The following NCR2 variants were observed in gnomAD, a reference collection of about 807,000 sequenced individuals.
NCR2 encodes natural cytotoxicity triggering receptor 2, also known as NK cell activating receptor (NKp44).
NCR2 carries 35 observed loss-of-function variants against 30.7 expected under a neutral mutation model. The observed-to-expected ratio is 1.14, with a 90% CI of 0.87 to 1.51. NCR2 has a LOEUF of 1.51. Among genes scored for constraint, NCR2 ranks in the 40% most tolerant of loss-of-function variants. NCR2 has a pLI of 0.00. For missense variants in NCR2, 316 were observed against 328.9 expected (o/e 0.96, Z 0.30); for synonymous variants, 146 against 134.8 (o/e 1.08, Z -0.58).
Position 41,336,390 on chromosome 6 carries a change from T to C in NCR2, c.356T>C (p.Val119Ala), listed in dbSNP as rs1403814419. ...CRIYRPSDNS[V>A]SKSVRFYLVV... ...ATCTACCGCCCTTCTGACAACTCTG[T>C]CTCTAAGTCCGTCAGATTCTATCTG... The change falls in exon 2 of 5, where the codon GTC becomes GCC. Residue 119 changes from valine to alanine, a missense_variant. Physicochemically the swap from Val to Ala is moderately conservative, Grantham distance 64. Transcript: ENST00000373089. The C allele has an allele frequency of 6.2e-7, 1 of 1,613,842 alleles. No individual in the cohort carries two copies.
Position 41,342,087 on chromosome 6 carries a change from G to C in NCR2, c.582G>C (p.Val194=). ...RPGPAAPIAL[V]PVFCGLLVAK... Reference sequence around the variant, plus strand: ...GCCCTGCAGCCCCCATTGCCCTGGTGCCTGTGTTCTGTGGACTCCTCGTAG... The same window carrying C: ...GCCCTGCAGCCCCCATTGCCCTGGTCCCTGTGTTCTGTGGACTCCTCGTAG... The change falls in exon 4 of 5, where the codon GTG becomes GTC. Residue 194 remains valine, a synonymous_variant. Coordinates refer to ENST00000373089, the MANE Select transcript of NCR2 (RefSeq NM_004828.4). The C allele has an allele frequency of 1.2e-6, 2 of 1,613,836 alleles. No homozygotes were observed. Among genetic ancestry groups the C allele is most frequent in the Non-Finnish European group, 1.7e-6 (2 of 1,180,022 alleles).
Position 41,336,328 on chromosome 6 carries a change from T to A in NCR2, c.294T>A (p.Asp98Glu). 6.2e-7 allele frequency: 1 copy of A among 1,614,122 alleles called. No individual in the cohort carries two copies. Among genetic ancestry groups the A allele is most frequent in the Non-Finnish European group, 8.5e-7 (1 of 1,180,026 alleles). The change falls in exon 2 of 5, where the codon GAT (aspartate) becomes GAA (glutamate). Residue 98 changes from aspartate (D) to glutamate (E), a missense_variant. Transcript: ENST00000373089. ...GCTTCTTCACTGTCACCATGACTGA[T>A]CTGAGAGAGGAAGACTCAGGACATT... is the stretch of plus-strand genomic sequence containing the variant. ...DAGFFTVTMT[D>E]LREEDSGHYW...
chr6:41,349,026 C>T (rs6909354), intron 4 of NCR2, among the ~76,000 whole-genome samples: 105,417 of 148,114 alleles, frequency 0.71, 38,378 homozygotes, highest in East Asian at 0.86. Context: ...AATTATTATA[C>T]ATTATTGAAA....
At chr6:41,335,961 A>C in intron 1 of NCR2, 33 bp downstream of exon 1, 1 of 1,576,482 alleles carries the variant, frequency 6.3e-7, no homozygotes. Flanking sequence ...GGAGCAGAGG[A>C]GATGGGTGTG....
In NCR2 at chr6:41,350,753, G is replaced by T. The variant is rs776619895; in HGVS notation, c.720G>T (p.Gln240His). The T allele has an allele frequency of 6.2e-7, 1 of 1,611,816 alleles. No homozygotes were observed. The highest frequency in any genetic ancestry group is 8.5e-7 in the Non-Finnish European group (1 of 1,177,918). The part of the protein sequence containing the change: ...DTQKATCHLQ[Q>H]VTDLPWTSVS... ...AAAAAGCCACCTGCCACCTTCAACAGGTCACGGACCTTCCCTGGACCTCAG... is the reference window on the plus strand; with the variant it reads ...AAAAAGCCACCTGCCACCTTCAACATGTCACGGACCTTCCCTGGACCTCAG... Residue 240 changes from glutamine (Q) to histidine (H), a missense_variant, in exon 5 of 5, where the codon CAG becomes CAT. By Grantham distance (24) the Gln-to-His change is conservative. Coordinates refer to ENST00000373089, the MANE Select transcript of NCR2 (RefSeq NM_004828.4).
chr6:41,336,995 A>T (rs961148221), intron 2 of NCR2, among the ~76,000 whole-genome samples: 2 of 152,156 alleles, frequency 1.3e-5, no homozygotes, highest in Admixed American at 1.3e-4. Context: ...TCAATTACCT[A>T]TTGTCTGTGG....
chr6:41,348,196 A>C (rs1459957742), intron 4 of NCR2, among the ~76,000 whole-genome samples: 1 of 152,192 alleles, frequency 6.6e-6, no homozygotes, highest in East Asian at 1.9e-4. Flanking sequence ...TTCCTCCCAC[A>C]TGCAAAAATA....
rs895924691 is a variant in NCR2, at chr6:41,346,827, G to A, written c.645-3851G>A. Among the ~76,000 whole-genome samples the A allele has an allele frequency of 1.4e-4, 20 of 139,376 alleles. No homozygotes were observed. The South Asian group carries it at 5.1e-3, about 36-fold the overall frequency. 91.4% of individuals were successfully genotyped at this position (139,376 alleles called of 152,430 possible). On this transcript the variant is annotated intron_variant, in intron 4 of 4. Coordinates refer to ENST00000373089, the MANE Select transcript of NCR2 (RefSeq NM_004828.4). ...AGAGAAAGAGGGGGAAAGAGAGAAA[G>A]AGAGGGAGGGAGGGAGGGAGGGAGG...
intron 2 of NCR2, 39 bp downstream of exon 2, chr6:41,336,467 C>A: frequency 6.4e-7 from 1 of 1,554,196 alleles, no homozygotes; most frequent in Non-Finnish European, 8.8e-7. Flanking sequence ...GGGTGCCCCT[C>A]ACCCCCTTTT....
Position 41,335,686 on chromosome 6 carries a change from G to T in NCR2, c.-191G>T. ...CCAGACCCAGACTCACCTACAGCTG[G>T]AGATCCCCACTTCCCTGTGCCCACA... On this transcript the variant is annotated 5_prime_UTR_variant, in exon 1 of 5. Transcript: ENST00000373089. The T allele has an allele frequency of 1.5e-6, 1 of 657,454 alleles. No individual in the cohort carries two copies. The highest frequency in any genetic ancestry group is 1.7e-5 in the South Asian group (1 of 57,164). The allele number at this position is 657,454 out of a possible 1,614,324, so 40.7% of individuals were successfully genotyped here.
chr6:41,343,335 G>A (rs755606701), intron 4 of NCR2, among the ~76,000 whole-genome samples: 9 of 152,300 alleles, frequency 5.9e-5, no homozygotes, highest in South Asian at 2.1e-4. Flanking sequence ...CGTGAGGCCT[G>A]GAACGCTGGT....
intron 4 of NCR2, 42 bp downstream of exon 4, chr6:41,342,191 G>A: frequency 1.2e-6 from 2 of 1,605,946 alleles, no homozygotes; most frequent in Non-Finnish European, 1.7e-6. Context: ...ATGGAACAGG[G>A]AACAGCTTCT....
At position 41,337,476 on chromosome 6, in the gene NCR2, C is replaced by T. The variant is rs554819818; in HGVS notation, c.394+1048C>T. On this transcript the variant is annotated intron_variant, in intron 2 of 4. Coordinates refer to ENST00000373089, the MANE Select transcript of NCR2 (RefSeq NM_004828.4). ...GTTCTCCATATTAAATGCCAATATGCACCCTTCAAACAAACACCCTGTCTT... is the reference window on the plus strand; with the variant it reads ...GTTCTCCATATTAAATGCCAATATGTACCCTTCAAACAAACACCCTGTCTT... 1.2e-4 allele frequency among the ~76,000 whole-genome samples: 19 copies of T among 152,320 alleles called. No homozygotes were observed. The South Asian group carries it at 3.5e-3, about 28-fold the overall frequency.
intron 2 of NCR2, among the ~76,000 whole-genome samples, chr6:41,341,167 C>T (rs1240100388): frequency 6.6e-6 from 1 of 152,140 alleles, no homozygotes; most frequent in Non-Finnish European, 1.5e-5. Context: ...CTCAACAGTC[C>T]CCATCACTTT....
At chr6:41,336,467 C>T (rs1370415484) in intron 2 of NCR2, 39 bp downstream of exon 2, 3 of 1,554,202 alleles carry the variant, frequency 1.9e-6, no homozygotes, top group Admixed American at 1.7e-5. Context: ...GGGTGCCCCT[C>T]ACCCCCTTTT....
At chr6:41,349,727 T>A (rs1274521882) in intron 4 of NCR2, among the ~76,000 whole-genome samples, 1 of 151,990 alleles carries the variant, frequency 6.6e-6, no homozygotes, top group Non-Finnish European at 1.5e-5. Flanking sequence ...AACAATTTGG[T>A]TTTTCCTACT....
chr6:41,336,245 A>G lies in NCR2; in HGVS notation c.211A>G (p.Lys71Glu). 4 of 1,614,130 alleles carry G rather than the reference A, an allele frequency of 2.5e-6. No individual in the cohort carries two copies. The highest frequency in any genetic ancestry group is 3.4e-6 in the Non-Finnish European group (4 of 1,180,020). ...GTGCATCAGGTTAGTCACCAGCTCC[A>G]AGCCCAGGACGATGGCTTGGACCTC... The part of the protein sequence containing the change: ...LVCIRLVTSS[K>E]PRTMAWTSRF... Residue 71 changes from lysine (K) to glutamate (E), a missense_variant, in exon 2 of 5, where the codon AAG (lysine) becomes GAG (glutamate). By Grantham distance (56) the Lys-to-Glu change is moderately conservative. Transcript: ENST00000373089.
At position 41,350,811 on chromosome 6, in the gene NCR2, C is replaced by T. The variant is rs779050354; in HGVS notation, c.778C>T (p.His260Tyr). 5.2e-6 allele frequency: 6 copies of T among 1,148,726 alleles called. No individual in the cohort carries two copies. The highest frequency in any genetic ancestry group is 7.9e-6 in the Non-Finnish European group (6 of 755,078). The allele number at this position is 1,148,726 out of a possible 1,614,324, so 71.2% of individuals were successfully genotyped here. The change falls in exon 5 of 5, where the codon CAC becomes TAC. Residue 260 changes from histidine to tyrosine, a missense_variant. Coordinates refer to ENST00000373089, the MANE Select transcript of NCR2 (RefSeq NM_004828.4). Reference sequence around the variant, plus strand: ...ACCTGTAGAGAGAGAAATATTATATCACACTGTTGCAAGGACTAAGATAAG... The same window carrying T: ...ACCTGTAGAGAGAGAAATATTATATTACACTGTTGCAAGGACTAAGATAAG... ...SSPVEREILY[H>Y]TVARTKISDD...
At chr6:41,335,972 G>A in intron 1 of NCR2, 44 bp downstream of exon 1, 1 of 1,578,092 alleles carries the variant, frequency 6.3e-7, no homozygotes, top group Non-Finnish European at 8.6e-7. Flanking sequence ...GATGGGTGTG[G>A]TGGGGACTGT....
Sources: gnomAD v4.1 joint callset for allele counts (sites outside exome capture counted in the v4.1 genomes callset) on GRCh38, gnomAD v4.1.1 for gene constraint, MANE v1.5 for transcripts, NCBI Gene and HGNC (gene_info 2026-07-23, HGNC 2026-07-21) for gene names.